Variants in TCAIM observed in about 807,000 individuals in gnomAD.
The protein encoded by TCAIM is T cell activation inhibitor, mitochondrial.
In TCAIM, 36 loss-of-function variants were observed where a neutral mutation model predicts 58.6. The ratio of observed to expected loss-of-function variants is 0.61; its 90% CI spans 0.47 to 0.81. The LOEUF is 0.81. TCAIM is among the 30% of genes least tolerant of loss of function. TCAIM has a pLI of 0.00. For synonymous variants in TCAIM, 172 were observed against 193.6 expected (o/e 0.89, Z 0.93); for missense variants, 466 against 579.6 (o/e 0.80, Z 2.01).
intron 2 of TCAIM, among the ~76,000 whole-genome samples, chr3:44,357,491 A>T (rs1177754295): frequency 2.0e-5 from 3 of 152,246 alleles, no homozygotes; most frequent in Admixed American, 1.3e-4. Flanking sequence ...TGAATTTCAA[A>T]GTGGAGTATT....
At position 44,369,014 on chromosome 3, in the gene TCAIM, C is replaced by A. The variant is rs1701423034; in HGVS notation, c.572+1306C>A. Reference sequence around the variant, plus strand: ...CTCCAGCCTGGGTGACAAAGTGAGACCCTGTCTCCAAAAAATAATAAATAA... The same window carrying A: ...CTCCAGCCTGGGTGACAAAGTGAGAACCTGTCTCCAAAAAATAATAAATAA... On this transcript the variant is annotated intron_variant, in intron 5 of 10. Coordinates refer to ENST00000342649, the MANE Select transcript of TCAIM (RefSeq NM_173826.4). Among the ~76,000 whole-genome samples, 3 of 152,112 alleles carry A rather than the reference C, an allele frequency of 2.0e-5. 1 individual carries two copies. The South Asian group carries it at 6.2e-4, about 32-fold the overall frequency.
chr3:44,359,027 A>G (rs1284468609), intron 3 of TCAIM: 110 of 982,522 alleles, frequency 1.1e-4, no homozygotes, highest in Non-Finnish European at 1.3e-4. Flanking sequence ...TAAATTCAAA[A>G]TGTATAGAAA....
chr3:44,348,921 A>G (rs2125626928), intron 1 of TCAIM, among the ~76,000 whole-genome samples: 1 of 152,236 alleles, frequency 6.6e-6, no homozygotes, highest in East Asian at 1.9e-4. Flanking sequence ...AGCTCCAGCC[A>G]CCTCTTTAAG....
intron 1 of TCAIM, among the ~76,000 whole-genome samples, chr3:44,347,789 G>C (rs1221181327): frequency 6.6e-6 from 1 of 152,156 alleles, no homozygotes; most frequent in Non-Finnish European, 1.5e-5. Flanking sequence ...AGCAGGGTAA[G>C]AGTGATTAGT....
intron 6 of TCAIM, among the ~76,000 whole-genome samples, chr3:44,395,719 T>G (rs1701922557): frequency 6.6e-6 from 1 of 152,236 alleles, no homozygotes; most frequent in Non-Finnish European, 1.5e-5. Context: ...GTACGGTGGC[T>G]CACGCCTGTA....
In TCAIM at chr3:44,370,455, C is replaced by CAA. The variant is rs60988313; in HGVS notation, c.572+2763_572+2764dup. Among the ~76,000 whole-genome samples the CAA allele has an allele frequency of 1.5e-3, 136 of 88,178 alleles. 2 individuals carry two copies. Among genetic ancestry groups the CAA allele is most frequent in the Middle Eastern group, 7.8e-3 (1 of 128 alleles). 57.8% of individuals were successfully genotyped at this position (88,178 alleles called of 152,430 possible). ...TGGGCAACAGAGTGAGACTCTGTCT[C>CAA]AAAAAAAAAAAAAAAAACCACTGTT... On this transcript the variant is annotated intron_variant, in intron 5 of 10. Coordinates refer to ENST00000342649, the MANE Select transcript of TCAIM (RefSeq NM_173826.4).
rs1181656757 is a variant in TCAIM, at chr3:44,339,406, T to C, written c.-45+572T>C. 2.6e-5 allele frequency among the ~76,000 whole-genome samples: 4 copies of C among 152,228 alleles called. No homozygotes were observed. In the East Asian group the frequency reaches 7.7e-4, roughly 29 times the overall value. On this transcript the variant is annotated intron_variant, in intron 1 of 10. Coordinates refer to ENST00000342649, the MANE Select transcript of TCAIM (RefSeq NM_173826.4). The stretch of plus-strand genomic sequence containing the variant: ...GGTCAAAGCTCAATCCTGAGAGCTC[T>C]ATTTGGCACACACTCGGTGTTAGTT...
rs181155359 is a variant in TCAIM, at chr3:44,398,697, C to A, written c.886-1658C>A. 2.6e-3 allele frequency among the ~76,000 whole-genome samples: 398 copies of A among 152,146 alleles called. 5 individuals carry two copies. Among genetic ancestry groups the A allele is most frequent in the African/African-American group, 9.3e-3 (385 of 41,504 alleles). ...AGCAGTCACCCTTGGGTATTTACAG[C>A]AGAGAAATGAAAAATTATGTTCACA... On this transcript the variant is annotated intron_variant, in intron 8 of 10. Transcript: ENST00000342649.
intron 5 of TCAIM, among the ~76,000 whole-genome samples, chr3:44,375,532 C>T (rs560997757): frequency 6.6e-6 from 1 of 152,320 alleles, no homozygotes; most frequent in South Asian, 2.1e-4. Context: ...GTTCTGCCTC[C>T]ATGACCCAAA....
intron 3 of TCAIM, 88 bp from the exon 4 acceptor site, chr3:44,361,277 T>C: frequency 8.8e-7 from 1 of 1,140,306 alleles, no homozygotes; most frequent in Non-Finnish European, 1.2e-6. Context: ...TTTAATACTC[T>C]CAATGTGTTT....
At chr3:44,378,226 C>T (rs569294948) in intron 5 of TCAIM, among the ~76,000 whole-genome samples, 10 of 151,624 alleles carry the variant, frequency 6.6e-5, no homozygotes, top group African/African-American at 2.4e-4. Context: ...ACTAAAAATA[C>T]AAAAATTAGT....
intron 1 of TCAIM, among the ~76,000 whole-genome samples, chr3:44,346,182 A>G (rs999529307): frequency 2.0e-5 from 3 of 152,146 alleles, no homozygotes; most frequent in Non-Finnish European, 4.4e-5. Flanking sequence ...AGTCCGTTTT[A>G]CCTTTTCCGA....
chr3:44,342,291 C>T (rs569474500), intron 1 of TCAIM, among the ~76,000 whole-genome samples: 4 of 152,072 alleles, frequency 2.6e-5, no homozygotes, highest in Non-Finnish European at 5.9e-5. Flanking sequence ...TATATATATC[C>T]ACATGTTTCT....
chr3:44,345,526 A>T (rs1700948533), intron 1 of TCAIM, among the ~76,000 whole-genome samples: 1 of 152,154 alleles, frequency 6.6e-6, no homozygotes, highest in African/African-American at 2.4e-5. Flanking sequence ...TAATATACAG[A>T]GTCCCCTTTT....
chr3:44,357,977 TGTG>T lies in TCAIM; in HGVS notation c.165+105_165+107del, dbSNP rs1313132527. The stretch of plus-strand genomic sequence containing the variant: ...GTTCTATAAATGTGGATTATTCTGT[TGTG>T]GTGATATAATCAATGCTTTGAACTA... On this transcript the variant is annotated intron_variant, in intron 3 of 10. Coordinates refer to ENST00000342649, the MANE Select transcript of TCAIM (RefSeq NM_173826.4). The T allele has an allele frequency of 3.3e-4, 477 of 1,439,502 alleles. 1 individual carries two copies. The highest frequency in any genetic ancestry group is 2.2e-4 in the Middle Eastern group (1 of 4,580). The allele number at this position is 1,439,502 out of a possible 1,614,324, so 89.2% of individuals were successfully genotyped here.
chr3:44,369,601 T>C (rs1193615543), intron 5 of TCAIM, among the ~76,000 whole-genome samples: 2 of 152,216 alleles, frequency 1.3e-5, no homozygotes, highest in Non-Finnish European at 2.9e-5. Flanking sequence ...CTCAACAAGA[T>C]AAGTGTATTC....
At chr3:44,371,284 C>A (rs1485623872) in intron 5 of TCAIM, among the ~76,000 whole-genome samples, 5 of 151,922 alleles carry the variant, frequency 3.3e-5, no homozygotes, top group African/African-American at 4.8e-5. Context: ...TCTCAAACTC[C>A]TGAGCTCAAG....
In TCAIM at chr3:44,362,572, C is replaced by CA. The variant is rs1701309922; in HGVS notation, c.319+1055dup. 3 of 396,242 alleles carry CA rather than the reference C, an allele frequency of 7.6e-6. No homozygotes were observed. In the South Asian group the frequency reaches 4.0e-4, roughly 53 times the overall value. The allele number at this position is 396,242 out of a possible 1,614,324, so 24.5% of individuals were successfully genotyped here. ...TAATTGAATATGGGAGATCAGGAGTCACAAATTCCTTTTCTTGGCAGTTTC... is the reference window on the plus strand; with the variant it reads ...TAATTGAATATGGGAGATCAGGAGTCAACAAATTCCTTTTCTTGGCAGTTTC... On this transcript the variant is annotated intron_variant, in intron 4 of 10. Coordinates refer to ENST00000342649, the MANE Select transcript of TCAIM (RefSeq NM_173826.4).
chr3:44,357,739 A>T lies in TCAIM; in HGVS notation c.30-2A>T. On this transcript the variant is annotated splice_acceptor_variant, in intron 2 of 10. Transcript: ENST00000342649. LOFTEE classifies it high-confidence loss of function. ...AATAACCAGTCCACATCTTTTTAAAAGGTTATGTCTAGAGAAGATATTTCC... is the reference window on the plus strand; with the variant it reads ...AATAACCAGTCCACATCTTTTTAAATGGTTATGTCTAGAGAAGATATTTCC... 1 of 1,613,398 alleles carries T rather than the reference A, an allele frequency of 6.2e-7. No homozygotes were observed. Among genetic ancestry groups the T allele is most frequent in the East Asian group, 2.2e-5 (1 of 44,846 alleles).
Sources: allele counts gnomAD v4.1 joint callset (sites outside exome capture counted in the v4.1 genomes callset), GRCh38; gene constraint gnomAD v4.1.1; transcripts MANE v1.5; gene names NCBI Gene and HGNC (gene_info 2026-07-23, HGNC 2026-07-21).